Variants in MLLT3 observed in about 807,000 individuals in gnomAD.
MLLT3 encodes protein AF-9.
Under a neutral mutation model 53.2 loss-of-function variants are expected in MLLT3, and 4 were observed. The ratio of observed to expected loss-of-function variants is 0.08; its 90% CI spans 0.04 to 0.17. The LOEUF is 0.17. Ranked by LOEUF, MLLT3 falls within the 10% of genes least tolerant of loss-of-function variation. MLLT3 has a pLI of 1.00. For synonymous variants in MLLT3, 283 were observed against 230.6 expected (o/e 1.23, Z -2.06); for missense variants, 569 against 684.0 (o/e 0.83, Z 1.87).
At chr9:20,353,398 T>C in intron 10 of MLLT3, 127 bp downstream of exon 10, 1 of 776,304 alleles carries the variant, frequency 1.3e-6, no homozygotes, top group Non-Finnish European at 2.3e-6. Flanking sequence ...CAAATACATC[T>C]ACAGGTGGCA....
At chr9:20,393,392 ATAGAAGAT>A (rs1209553738) in intron 5 of MLLT3, among the ~76,000 whole-genome samples, 1 of 152,176 alleles carries the variant, frequency 6.6e-6, no homozygotes, top group Non-Finnish European at 1.5e-5. Flanking sequence ...AGGACTACTC[ATAGAAGAT>A]TATGCTCACT....
intron 2 of MLLT3, among the ~76,000 whole-genome samples, chr9:20,559,916 C>A (rs906471433): frequency 6.6e-6 from 1 of 152,146 alleles, no homozygotes; most frequent in African/African-American, 2.4e-5. Flanking sequence ...CTTAACCCTA[C>A]GTAAACACAA....
intron 5 of MLLT3, among the ~76,000 whole-genome samples, chr9:20,388,354 T>C (rs559670393): frequency 1.3e-5 from 2 of 152,272 alleles, no homozygotes; most frequent in South Asian, 2.1e-4. Flanking sequence ...TTTAGGAGGC[T>C]GAGGCGTGCA....
At chr9:20,364,415 G>C (rs1225025712) in intron 6 of MLLT3, among the ~76,000 whole-genome samples, 2 of 152,118 alleles carry the variant, frequency 1.3e-5, no homozygotes, top group African/African-American at 4.8e-5. Flanking sequence ...CACTTTACTA[G>C]GCTAAATGTG....
intron 4 of MLLT3, among the ~76,000 whole-genome samples, chr9:20,444,849 G>A (rs1326979666): frequency 1.3e-5 from 2 of 150,596 alleles, no homozygotes; most frequent in African/African-American, 4.9e-5. Context: ...TCCAGCCTGG[G>A]TGACAGAGTA....
rs774948124 is a variant in MLLT3 at position 20,414,375 on chromosome 9, G to A, written c.471C>T (p.Ser157=). The change falls in exon 5 of 11, where the codon AGC becomes AGT. Residue 157 remains serine (S), a synonymous_variant. Transcript: ENST00000380338. The part of the protein sequence containing the change: ...HTSSSSSSSS[S]SSSSSSSSSS... ...TGCTGCTGCTGCTGCTGCTGCTGCT[G>A]CTACTGCTGCTGCTGCTGCTGCTGC... is the stretch of plus-strand genomic sequence containing the variant. 145 of 1,584,868 alleles carry A rather than the reference G, an allele frequency of 9.1e-5. No homozygotes were observed. Among genetic ancestry groups the A allele is most frequent in the Non-Finnish European group, 1.1e-4 (131 of 1,162,878 alleles).
chr9:20,514,447 T>C (rs975301423), intron 2 of MLLT3, among the ~76,000 whole-genome samples: 2 of 152,088 alleles, frequency 1.3e-5, no homozygotes, highest in African/African-American at 4.8e-5. Context: ...CCCAAACCAG[T>C]AGCAATGAGA....
chr9:20,355,645 T>C (rs554494015), intron 8 of MLLT3, among the ~76,000 whole-genome samples: 18 of 152,364 alleles, frequency 1.2e-4, no homozygotes, highest in African/African-American at 4.3e-4. Flanking sequence ...TATTTTTAAA[T>C]GGTCCTCACT....
intron 2 of MLLT3, among the ~76,000 whole-genome samples, chr9:20,554,563 C>A (rs1819007124): frequency 6.6e-6 from 1 of 152,106 alleles, no homozygotes; most frequent in African/African-American, 2.4e-5. Context: ...TTATAAATTG[C>A]ACAAAACTCT....
At chr9:20,557,093 G>A (rs1819079211) in intron 2 of MLLT3, among the ~76,000 whole-genome samples, 1 of 152,164 alleles carries the variant, frequency 6.6e-6, no homozygotes, top group East Asian at 1.9e-4. Flanking sequence ...TGGAGTCTCA[G>A]GAACATCATT....
At position 20,612,129 on chromosome 9, in the gene MLLT3, CTCAATG is replaced by C. The variant is rs1820718003; in HGVS notation, c.193+8519_193+8524del. ...GTCTGCTAATATAAGTGAATTATTA[CTCAATG>C]TTTTAAAAGTAAACATTGACCACCA... On this transcript the variant is annotated intron_variant, in intron 2 of 10. Coordinates refer to ENST00000380338, the MANE Select transcript of MLLT3 (RefSeq NM_004529.4). 2.6e-5 allele frequency among the ~76,000 whole-genome samples: 4 copies of C among 152,266 alleles called. 1 individual carries two copies. The highest frequency in any genetic ancestry group is 9.6e-5 in the African/African-American group (4 of 41,568).
intron 2 of MLLT3, among the ~76,000 whole-genome samples, chr9:20,565,938 T>TTTATATATATATTTA (rs1563820380): frequency 1.6e-4 from 2 of 12,572 alleles, no homozygotes; most frequent in African/African-American, 4.4e-4. Flanking sequence ...ATATATATAT[T>TTTATATATATATTTA]TATATATATA....
chr9:20,458,327 G>A (rs919160155), intron 2 of MLLT3, among the ~76,000 whole-genome samples: 1 of 152,162 alleles, frequency 6.6e-6, no homozygotes, highest in Admixed American at 6.5e-5. Context: ...AGAAGATAGA[G>A]TGTCAAGGGC....
intron 2 of MLLT3, among the ~76,000 whole-genome samples, chr9:20,485,317 C>G (rs1231834798): frequency 6.6e-6 from 1 of 152,098 alleles, no homozygotes; most frequent in South Asian, 2.1e-4. Context: ...GATTTTAAAG[C>G]AAGAGCATAT....
At chr9:20,564,837 G>A (rs1819307819) in intron 2 of MLLT3, among the ~76,000 whole-genome samples, 1 of 151,288 alleles carries the variant, frequency 6.6e-6, no homozygotes, top group Non-Finnish European at 1.5e-5. Context: ...GAACCAATGT[G>A]AAAACCTCCA....
chr9:20,472,376 C>T (rs1036782078), intron 2 of MLLT3, among the ~76,000 whole-genome samples: 2 of 151,978 alleles, frequency 1.3e-5, no homozygotes, highest in African/African-American at 4.8e-5. Flanking sequence ...TATTCCTTTC[C>T]CAAACATCGC....
At chr9:20,470,983 G>C (rs997491134) in intron 2 of MLLT3, among the ~76,000 whole-genome samples, 1 of 151,922 alleles carries the variant, frequency 6.6e-6, no homozygotes, top group Non-Finnish European at 1.5e-5. Flanking sequence ...ATAAAGGTAT[G>C]ATTTATTTAA....
At chr9:20,465,747 T>C (rs1824223352) in intron 2 of MLLT3, among the ~76,000 whole-genome samples, 1 of 152,190 alleles carries the variant, frequency 6.6e-6, no homozygotes, top group Admixed American at 6.5e-5. Context: ...TTGTGAGCTC[T>C]ACTTCTTTTT....
chr9:20,449,713 A>C (rs118117877), intron 3 of MLLT3, among the ~76,000 whole-genome samples: 1,820 of 151,920 alleles, frequency 0.012, 18 homozygotes, highest in Non-Finnish European at 0.021. Flanking sequence ...CATAATCTCC[A>C]CTCATTTCCT....
Sources: allele counts gnomAD v4.1 joint callset (sites outside exome capture counted in the v4.1 genomes callset), GRCh38; gene constraint gnomAD v4.1.1; transcripts MANE v1.5; gene names NCBI Gene and HGNC (gene_info 2026-07-23, HGNC 2026-07-21).